The following PDE10A variants were observed in gnomAD, a reference collection of about 807,000 sequenced individuals.
PDE10A encodes the protein phosphodiesterase 10A, also known as cAMP and cAMP-inhibited cGMP 3',5'-cyclic phosphodiesterase 10A.
In PDE10A, 39 loss-of-function variants were observed where a neutral mutation model predicts 97.7. The ratio of observed to expected loss-of-function variants is 0.40; its 90% CI spans 0.31 to 0.52. The LOEUF is 0.52. Among genes scored for constraint, PDE10A ranks in the 20% least tolerant of loss-of-function variants. PDE10A has a pLI of 0.56. For synonymous variants in PDE10A, 371 were observed against 376.8 expected (o/e 0.98, Z 0.18); for missense variants, 731 against 1,047.8 (o/e 0.70, Z 4.17).
chr6:165,561,409 T>C (rs772955499), intron 1 of PDE10A, among the ~76,000 whole-genome samples: 1 of 152,150 alleles, frequency 6.6e-6, no homozygotes, highest in Non-Finnish European at 1.5e-5. Flanking sequence ...CAGTCTCAGG[T>C]AGTTCTTTAC....
At chr6:165,800,788 A>T (rs1014010726) in intron 1 of PDE10A, among the ~76,000 whole-genome samples, 1 of 152,202 alleles carries the variant, frequency 6.6e-6, no homozygotes, top group African/African-American at 2.4e-5. Context: ...AGTAATAATG[A>T]TTCTCCACGT....
intron 1 of PDE10A, among the ~76,000 whole-genome samples, chr6:165,915,165 C>T (rs1420440818): frequency 1.3e-5 from 2 of 152,032 alleles, no homozygotes; most frequent in African/African-American, 4.8e-5. Flanking sequence ...GAAAATGCGT[C>T]GTCAAACTGC....
In PDE10A at chr6:165,330,816, C is replaced by G. The variant is rs546044113; in HGVS notation, c.*2209G>C. On this transcript the variant is annotated 3_prime_UTR_variant, in exon 22 of 22. Coordinates refer to ENST00000539869, the MANE Select transcript of PDE10A (RefSeq NM_001385079.1). ...AACAATAATCTTAAATAATATATCC[C>G]TTCCTGAAATTCCATCTCCAAGCGA... is the stretch of plus-strand genomic sequence containing the variant. 1.3e-5 allele frequency: 2 copies of G among 152,158 alleles called. No homozygotes were observed. Among genetic ancestry groups the G allele is most frequent in the Admixed American group, 1.3e-4 (2 of 15,278 alleles). The allele number at this position is 152,158 out of a possible 1,614,324, so 9.4% of individuals were successfully genotyped here. A position where few individuals can be genotyped will look rare whatever the true frequency, so the allele number is the denominator to read the frequency against.
At position 165,495,025 on chromosome 6, in the gene PDE10A, A is replaced by G. The variant is rs138422939; in HGVS notation, c.995-12682T>C. Reference sequence around the variant, plus strand: ...TCTTTTTAATATATATCCGTATCTTAGGAGTTGAAGCAGCACATTCAGCCT... The same window carrying G: ...TCTTTTTAATATATATCCGTATCTTGGGAGTTGAAGCAGCACATTCAGCCT... On this transcript the variant is annotated intron_variant, in intron 2 of 21. Transcript: ENST00000539869. Among the ~76,000 whole-genome samples, 200 of 152,322 alleles carry G rather than the reference A, an allele frequency of 1.3e-3. 1 individual carries two copies. The highest frequency in any genetic ancestry group is 4.6e-3 in the African/African-American group (192 of 41,568).
intron 1 of PDE10A, among the ~76,000 whole-genome samples, chr6:165,889,867 CTCCTCACTCCTCCCTCACTCA>C: frequency 7.3e-6 from 1 of 137,906 alleles, no homozygotes; most frequent in African/African-American, 2.7e-5. Context: ...CCCTCACTCA[CTCCTCACTCCTCCCTCACTCA>C]CTCCTCCCTC....
chr6:165,644,056 A>T (rs1166683929), intron 1 of PDE10A, among the ~76,000 whole-genome samples: 1 of 151,580 alleles, frequency 6.6e-6, no homozygotes, highest in Non-Finnish European at 1.5e-5. Context: ...AGAAAAATTC[A>T]TTTTTTTTCT....
At position 165,543,487 on chromosome 6, in the gene PDE10A, G is replaced by A; in HGVS notation, c.947C>T (p.Ala316Val). Reference protein sequence around the residue: ...LDEFVSESVSAETVEKWLKRK... With the variant: ...LDEFVSESVSVETVEKWLKRK... Reference sequence around the variant, plus strand: ...CTTCAGCCATTTCTCTACTGTCTCTGCACTAACACTTTCAGATACAAATTC... The same window carrying A: ...CTTCAGCCATTTCTCTACTGTCTCTACACTAACACTTTCAGATACAAATTC... The change falls in exon 2 of 22, where the codon GCA becomes GTA. Residue 316 changes from alanine (A) to valine (V), a missense_variant. Ala to Val is a moderately conservative substitution (Grantham distance 64). Transcript: ENST00000539869. The A allele has an allele frequency of 6.2e-7, 1 of 1,612,746 alleles. No homozygotes were observed. The highest frequency in any genetic ancestry group is 1.1e-5 in the South Asian group (1 of 90,956).
At chr6:165,630,246 G>T (rs1165915652) in intron 1 of PDE10A, among the ~76,000 whole-genome samples, 1 of 152,120 alleles carries the variant, frequency 6.6e-6, no homozygotes. Flanking sequence ...TACCCAGGAG[G>T]TTCAGGCTGG....
At chr6:165,902,543 C>A (rs1376360510) in intron 1 of PDE10A, among the ~76,000 whole-genome samples, 4 of 152,310 alleles carry the variant, frequency 2.6e-5, no homozygotes, top group Non-Finnish European at 5.9e-5. Flanking sequence ...ACAGAACTGG[C>A]TCTCTTCGGC....
intron 18 of PDE10A, among the ~76,000 whole-genome samples, chr6:165,374,759 T>TG (rs1784507479): frequency 6.6e-6 from 1 of 151,846 alleles, no homozygotes; most frequent in Non-Finnish European, 1.5e-5. Flanking sequence ...TTTTTGGTTT[T>TG]TTTTTTTTTT....
intron 1 of PDE10A, among the ~76,000 whole-genome samples, chr6:165,750,900 G>A (rs1792983249): frequency 6.6e-6 from 1 of 152,234 alleles, no homozygotes; most frequent in African/African-American, 2.4e-5. Flanking sequence ...CAGCATGTCT[G>A]TTATTGTGTC....
chr6:165,852,618 A>G (rs6456021), intron 1 of PDE10A, among the ~76,000 whole-genome samples: 132,223 of 152,178 alleles, frequency 0.87, 57,602 homozygotes, highest in African/African-American at 0.9. Flanking sequence ...TCCCACTGCC[A>G]GCCCACCATG....
chr6:165,544,235 C>G (rs1783620140), intron 1 of PDE10A, among the ~76,000 whole-genome samples: 1 of 152,110 alleles, frequency 6.6e-6, no homozygotes, highest in African/African-American at 2.4e-5. Context: ...GTCATTAAAC[C>G]CAGTGGTATA....
At chr6:165,381,131 T>C (rs1300885731) in intron 17 of PDE10A, among the ~76,000 whole-genome samples, 1 of 152,180 alleles carries the variant, frequency 6.6e-6, no homozygotes, top group Non-Finnish European at 1.5e-5. Context: ...TAAAAAGAAA[T>C]ATCTCTAAAA....
At chr6:165,704,841 G>C (rs1189889443) in intron 1 of PDE10A, among the ~76,000 whole-genome samples, 1 of 152,198 alleles carries the variant, frequency 6.6e-6, no homozygotes, top group Non-Finnish European at 1.5e-5. Context: ...GGTGGGGAAA[G>C]GCGTACTTAG....
upstream of PDE10A, among the ~76,000 whole-genome samples, chr6:165,666,661 G>T (rs758182550): frequency 9.4e-6 from 1 of 106,034 alleles, no homozygotes; most frequent in Non-Finnish European, 1.9e-5. Context: ...CCCCACCCCC[G>T]CAGTCCCTCA....
intron 1 of PDE10A, among the ~76,000 whole-genome samples, chr6:165,587,136 G>A (rs1171584313): frequency 6.6e-6 from 1 of 152,136 alleles, no homozygotes; most frequent in African/African-American, 2.4e-5. Context: ...AGTTTCTGAC[G>A]GGCAGAGATT....
chr6:165,619,407 G>C (rs62647934), intron 1 of PDE10A, among the ~76,000 whole-genome samples: 6 of 100,094 alleles, frequency 6.0e-5, no homozygotes, highest in Non-Finnish European at 1.2e-4. Context: ...GTGTAGTGTA[G>C]TCTAGTGTAG....
intron 1 of PDE10A, chr6:165,949,129 T>C (rs1482645519): frequency 6.6e-6 from 1 of 152,116 alleles, no homozygotes; most frequent in Non-Finnish European, 1.5e-5. Context: ...CTAAGAAAAA[T>C]GTTATCTTTT....
Sources: allele counts gnomAD v4.1 joint callset (sites outside exome capture counted in the v4.1 genomes callset), GRCh38; gene constraint gnomAD v4.1.1; transcripts MANE v1.5; gene names NCBI Gene and HGNC (gene_info 2026-07-23, HGNC 2026-07-21).